DCAF6: variants seen among roughly 807,000 people sequenced by gnomAD.
DCAF6 encodes DDB1- and CUL4-associated factor 6.
In DCAF6, 54 loss-of-function variants were observed where a neutral mutation model predicts 125.1. That is an observed-to-expected ratio of 0.43 (90% CI 0.35 to 0.54). The LOEUF is 0.54. DCAF6 is among the 20% of genes least tolerant of loss of function. DCAF6 has a pLI of 0.01. For synonymous variants in DCAF6, 371 were observed against 390.4 expected (o/e 0.95, Z 0.58); for missense variants, 934 against 1,161.7 (o/e 0.80, Z 2.85).
chr1:168,070,688 C>T (rs529715212), intron 21 of DCAF6, among the ~76,000 whole-genome samples: 1 of 152,270 alleles, frequency 6.6e-6, no homozygotes, highest in East Asian at 1.9e-4. Context: ...ATGAATAATG[C>T]ACTAAAGACT....
intron 9 of DCAF6, 103 bp downstream of exon 9, chr1:168,004,092 GTAA>G: frequency 7.5e-7 from 1 of 1,325,724 alleles, no homozygotes; most frequent in Non-Finnish European, 1.0e-6. Context: ...TTTTACATCT[GTAA>G]TAATCACAAG....
intron 4 of DCAF6, among the ~76,000 whole-genome samples, chr1:167,975,813 A>C (rs1014839232): frequency 1.3e-5 from 2 of 152,110 alleles, no homozygotes; most frequent in Non-Finnish European, 2.9e-5. Context: ...TTGGCCTCTC[A>C]CAGTGCCAAG....
intron 1 of DCAF6, among the ~76,000 whole-genome samples, chr1:167,943,020 CCTCAGCCTCCCGAGTA>C (rs1672484788): frequency 1.3e-5 from 2 of 152,144 alleles, no homozygotes; most frequent in African/African-American, 4.8e-5. Context: ...CATTCTCCTG[CCTCAGCCTCCCGAGTA>C]GCTGGGACTA....
chr1:168,066,480 G>T lies in DCAF6; in HGVS notation c.2685+15G>T. 1 of 1,509,180 alleles carries T rather than the reference G, an allele frequency of 6.6e-7. No homozygotes were observed. Among genetic ancestry groups the T allele is most frequent in the Non-Finnish European group, 9.2e-7 (1 of 1,087,832 alleles). 93.5% of individuals were successfully genotyped at this position (1,509,180 alleles called of 1,614,324 possible). A position where few individuals can be genotyped will look rare whatever the true frequency, so the allele number is the denominator to read the frequency against. On this transcript the variant is annotated intron_variant, in intron 20 of 21. Transcript: ENST00000367840. ...TTGCTGATGAAGTAAGATTTTTATT[G>T]TACTTACTATAGACCATATTTCAAT... is the stretch of plus-strand genomic sequence containing the variant.
intron 17 of DCAF6, 83 bp from the exon 18 acceptor site, chr1:168,063,538 C>A: frequency 8.3e-7 from 1 of 1,205,096 alleles, no homozygotes; most frequent in Non-Finnish European, 1.1e-6. Context: ...ATTTCCTAGA[C>A]TTACTATATT....
chr1:167,873,600 G>GTA, the DCAF6 span, among the ~76,000 whole-genome samples: 43 of 152,212 alleles, frequency 2.8e-4, no homozygotes, highest in Middle Eastern at 6.8e-3. Context: ...TCTCTTATAG[G>GTA]TATATCCCTT....
chr1:167,886,098 A>G, the DCAF6 span, among the ~76,000 whole-genome samples: 2 of 152,228 alleles, frequency 1.3e-5, no homozygotes, highest in Admixed American at 6.5e-5. Flanking sequence ...GGAAAAATCA[A>G]TATCATGAAA....
At chr1:167,937,121 ACT>A in intron 1 of DCAF6, 113 bp downstream of exon 1, 1 of 815,314 alleles carries the variant, frequency 1.2e-6, no homozygotes. Context: ...GCGCCCGGAG[ACT>A]CTGGGGTGTT....
intron 17 of DCAF6, among the ~76,000 whole-genome samples, chr1:168,056,899 G>GT (rs1280233633): frequency 2.6e-5 from 4 of 152,116 alleles, no homozygotes; most frequent in African/African-American, 9.7e-5. Flanking sequence ...TTTCCCTTTA[G>GT]TTTTTCACTG....
intron 21 of DCAF6, among the ~76,000 whole-genome samples, chr1:168,073,952 T>TTATAAATATGTATTGAATACATACA (rs1230126715): frequency 1.3e-4 from 19 of 148,208 alleles, no homozygotes; most frequent in Admixed American, 6.7e-4. Flanking sequence ...TTCATTTATT[T>TTATAAATATGTATTGAATACATACA]TATAAATATG....
At chr1:167,926,712 A>G in the DCAF6 span, among the ~76,000 whole-genome samples, 3 of 152,228 alleles carry the variant, frequency 2.0e-5, no homozygotes, top group African/African-American at 7.2e-5. Flanking sequence ...AGCCGCTCCC[A>G]GAAAGTAGAG....
intron 1 of DCAF6, chr1:167,937,312 A>C: frequency 1.4e-5 from 5 of 362,486 alleles, no homozygotes; most frequent in South Asian, 4.2e-5. Flanking sequence ...GACTTGCGGA[A>C]CCTCCAGGAG....
chr1:167,941,404 A>G (rs962267480), intron 1 of DCAF6, among the ~76,000 whole-genome samples: 1 of 152,222 alleles, frequency 6.6e-6, no homozygotes, highest in African/African-American at 2.4e-5. Flanking sequence ...AGCTTCTGGT[A>G]GCATGGAGCT....
At chr1:168,036,372 T>G (rs116223143) in intron 12 of DCAF6, among the ~76,000 whole-genome samples, 1 of 152,212 alleles carries the variant, frequency 6.6e-6, no homozygotes. Flanking sequence ...AGAAATTCAG[T>G]CTTACACTTC....
intron 17 of DCAF6, among the ~76,000 whole-genome samples, chr1:168,053,292 C>A (rs1316916139): frequency 1.3e-5 from 2 of 152,144 alleles, no homozygotes; most frequent in South Asian, 2.1e-4. Flanking sequence ...GTAATACATA[C>A]ATGCATACAG....
the DCAF6 span, chr1:167,880,695 GC>G: frequency 1.1e-6 from 1 of 940,534 alleles, no homozygotes; most frequent in Non-Finnish European, 1.7e-6. Flanking sequence ...AGAGCCGGCG[GC>G]AATTTTTGGC....
At chr1:168,062,706 T>C (rs1412129954) in intron 17 of DCAF6, among the ~76,000 whole-genome samples, 1 of 152,014 alleles carries the variant, frequency 6.6e-6, no homozygotes, top group South Asian at 2.1e-4. Context: ...ACTGACAAAA[T>C]TATTAAGTAA....
At chr1:167,899,525 G>T in the DCAF6 span, 1 of 1,614,208 alleles carries the variant, frequency 6.2e-7, no homozygotes. Context: ...TCTGAGCCAT[G>T]TTCTGGGCAA....
intron 2 of DCAF6, 137 bp from the exon 3 acceptor site, chr1:167,966,492 T>C (rs1286068828): frequency 1.7e-6 from 1 of 603,284 alleles, no homozygotes; most frequent in Non-Finnish European, 3.0e-6. Flanking sequence ...GCCATAAGAT[T>C]GGACACCCCT....
Sources: gnomAD v4.1 joint callset for allele counts (sites outside exome capture counted in the v4.1 genomes callset) on GRCh38, gnomAD v4.1.1 for gene constraint, MANE v1.5 for transcripts, NCBI Gene and HGNC (gene_info 2026-07-23, HGNC 2026-07-21) for gene names.